ADAMTS12: variants seen among roughly 807,000 people sequenced by gnomAD.
ADAMTS12 encodes the protein ADAM metallopeptidase with thrombospondin type 1 motif 12.
In ADAMTS12, 118 loss-of-function variants were observed where a neutral mutation model predicts 167.8. That is an observed-to-expected ratio of 0.70 (90% CI 0.61 to 0.82). The LOEUF (loss-of-function observed/expected upper bound fraction) is 0.82, where lower values mean the gene tolerates loss of function less well. Among genes scored for constraint, ADAMTS12 ranks in the 40% least tolerant of loss-of-function variants. ADAMTS12 has a pLI of 0.00. For synonymous variants in ADAMTS12, 704 were observed against 716.9 expected (o/e 0.98, Z 0.29); for missense variants, 1,916 against 1,998.8 (o/e 0.96, Z 0.79).
chr5:33,558,635 C>T (rs781540912), intron 20 of ADAMTS12, among the ~76,000 whole-genome samples: 5 of 152,190 alleles, frequency 3.3e-5, no homozygotes, highest in Non-Finnish European at 5.9e-5. Flanking sequence ...ACTGGCTAGA[C>T]TCCCTCAGGC....
rs1220072222 is a variant in ADAMTS12, at chr5:33,673,404, G to A, written c.915+9614C>T. The stretch of plus-strand genomic sequence containing the variant: ...AAATCTTTTCCTCCCACTTTAACCT[G>A]CGATTCCTTCTGTGCCTTCTGTGGT... On this transcript the variant is annotated intron_variant, in intron 5 of 23. Transcript: ENST00000504830. Among the ~76,000 whole-genome samples the A allele has an allele frequency of 3.9e-5, 6 of 152,052 alleles. No individual in the cohort carries two copies. In the South Asian group the frequency reaches 6.2e-4, roughly 16 times the overall value.
chr5:33,654,877 TGTGTG>T (rs1740993980), intron 7 of ADAMTS12, among the ~76,000 whole-genome samples: 5 of 143,332 alleles, frequency 3.5e-5, no homozygotes, highest in Non-Finnish European at 7.5e-5. Context: ...GGTGATTTTG[TGTGTG>T]TGTGTGTGTG....
intron 14 of ADAMTS12, among the ~76,000 whole-genome samples, chr5:33,621,527 T>C (rs1043221388): frequency 4.6e-5 from 7 of 152,110 alleles, no homozygotes; most frequent in Admixed American, 3.9e-4. Flanking sequence ...TATCCAACTG[T>C]TTTTGTGGTC....
chr5:33,861,701 C>T (rs573892900), intron 2 of ADAMTS12, among the ~76,000 whole-genome samples: 1 of 152,172 alleles, frequency 6.6e-6, no homozygotes. Context: ...ACAGAACTCT[C>T]CACCCCAAAT....
At chr5:33,565,740 AATAATG>A (rs1745984999) in intron 19 of ADAMTS12, among the ~76,000 whole-genome samples, 1 of 150,580 alleles carries the variant, frequency 6.6e-6, no homozygotes, top group South Asian at 2.1e-4. Flanking sequence ...GTCAAAGTCA[AATAATG>A]ATGTTTGAGA....
At chr5:33,634,973 C>T (rs145322627) in intron 12 of ADAMTS12, among the ~76,000 whole-genome samples, 43 of 152,086 alleles carry the variant, frequency 2.8e-4, no homozygotes, top group African/African-American at 9.6e-4. Context: ...GCGATCCTCC[C>T]GCCCCACCCT....
At chr5:33,541,663 G>T (rs1210134436) in intron 22 of ADAMTS12, among the ~76,000 whole-genome samples, 1 of 152,208 alleles carries the variant, frequency 6.6e-6, no homozygotes, top group Admixed American at 6.5e-5. Context: ...CAAGAGAGAA[G>T]AGAGTGGGGG....
chr5:33,609,273 T>G (rs150024787), intron 16 of ADAMTS12, among the ~76,000 whole-genome samples: 2 of 152,112 alleles, frequency 1.3e-5, no homozygotes, highest in Middle Eastern at 3.4e-3. Flanking sequence ...TAGGATCATA[T>G]CTACATATAG....
intron 1 of ADAMTS12, among the ~76,000 whole-genome samples, chr5:33,883,331 TTTTTTTTTTTG>T: frequency 1.4e-5 from 1 of 72,454 alleles, no homozygotes; most frequent in African/African-American, 4.2e-5. Flanking sequence ...TTTTTTGTTT[TTTTTTTTTTTG>T]TTTTTTTTTT....
chr5:33,670,938 A>C (rs553154608), intron 5 of ADAMTS12, among the ~76,000 whole-genome samples: 1 of 152,330 alleles, frequency 6.6e-6, no homozygotes, highest in African/African-American at 2.4e-5. Context: ...GTGGGTGAAT[A>C]GTTAAACAAA....
Position 33,576,479 on chromosome 5 carries a change from G to C in ADAMTS12, c.3547C>G (p.Pro1183Ala), listed in dbSNP as rs545902929. ...CTTTCCACTGGAGCGTCATTTCCAGGTACTCTGATCTTGGTCCATATTACA... is the reference window on the plus strand; with the variant it reads ...CTTTCCACTGGAGCGTCATTTCCAGCTACTCTGATCTTGGTCCATATTACA... Reference protein sequence around the residue: ...NPVIWTKIRVPGNDAPVESTE... With the variant: ...NPVIWTKIRVAGNDAPVESTE... Residue 1183 changes from proline (P) to alanine (A), a missense_variant, in exon 19 of 24, where the codon CCT becomes GCT. Coordinates refer to ENST00000504830, the MANE Select transcript of ADAMTS12 (RefSeq NM_030955.4). 2 of 1,608,336 alleles carry C rather than the reference G, an allele frequency of 1.2e-6. No homozygotes were observed. Among genetic ancestry groups the C allele is most frequent in the African/African-American group, 2.7e-5 (2 of 74,826 alleles).
intron 22 of ADAMTS12, among the ~76,000 whole-genome samples, chr5:33,541,041 T>C (rs1237197469): frequency 6.6e-6 from 1 of 152,164 alleles, no homozygotes; most frequent in Non-Finnish European, 1.5e-5. Flanking sequence ...TTCTCTGAGC[T>C]AAAGGACATG....
chr5:33,823,108 G>GAAAGAA (rs1747923738), intron 2 of ADAMTS12, among the ~76,000 whole-genome samples: 1 of 133,820 alleles, frequency 7.5e-6, no homozygotes, highest in Non-Finnish European at 1.6e-5. Context: ...AAAAAAAAAA[G>GAAAGAA]AAAGAAAAAG....
chr5:33,718,937 A>G (rs1213116057), intron 3 of ADAMTS12, among the ~76,000 whole-genome samples: 4 of 152,176 alleles, frequency 2.6e-5, no homozygotes, highest in African/African-American at 9.7e-5. Context: ...ATGTTGTGTT[A>G]AACGCCAGGA....
intron 2 of ADAMTS12, among the ~76,000 whole-genome samples, chr5:33,839,657 CTAGG>C (rs1376861674): frequency 6.6e-6 from 1 of 152,176 alleles, no homozygotes; most frequent in Non-Finnish European, 1.5e-5. Flanking sequence ...TTCTTGCCTC[CTAGG>C]TTTGACTGTC....
intron 13 of ADAMTS12, among the ~76,000 whole-genome samples, chr5:33,630,170 T>G (rs570504500): frequency 6.6e-6 from 1 of 152,242 alleles, no homozygotes; most frequent in Admixed American, 6.5e-5. Context: ...TGCCTGGGGG[T>G]TGGATCACAA....
intron 2 of ADAMTS12, among the ~76,000 whole-genome samples, chr5:33,843,661 G>A (rs1748832617): frequency 6.6e-6 from 1 of 152,190 alleles, no homozygotes; most frequent in African/African-American, 2.4e-5. Context: ...CGAAGGTACG[G>A]TAGTCACCTC....
At chr5:33,693,439 A>G (rs1742628239) in intron 3 of ADAMTS12, among the ~76,000 whole-genome samples, 1 of 152,188 alleles carries the variant, frequency 6.6e-6, no homozygotes, top group South Asian at 2.1e-4. Flanking sequence ...ACACACAAAC[A>G]TATTTACAGT....
At chr5:33,548,506 T>C (rs1745092516) in intron 21 of ADAMTS12, among the ~76,000 whole-genome samples, 1 of 152,190 alleles carries the variant, frequency 6.6e-6, no homozygotes, top group Admixed American at 6.5e-5. Flanking sequence ...GTTCCTCTTT[T>C]ATTTTTATTT....
Sources: gnomAD v4.1 joint callset for allele counts (sites outside exome capture counted in the v4.1 genomes callset) on GRCh38, gnomAD v4.1.1 for gene constraint, MANE v1.5 for transcripts, NCBI Gene and HGNC (gene_info 2026-07-23, HGNC 2026-07-21) for gene names.